The following AUTS2 variants were observed in gnomAD, a reference collection of about 807,000 sequenced individuals.
The protein encoded by AUTS2 is activator of transcription and developmental regulator AUTS2, also known as autism susceptibility gene 2 protein.
AUTS2 carries 17 observed loss-of-function variants against 112.4 expected under a neutral mutation model. That is an observed-to-expected ratio of 0.15 (90% CI 0.10 to 0.23). AUTS2 has a LOEUF of 0.23. AUTS2 is among the 10% of genes least tolerant of loss of function. The probability of loss-of-function intolerance (pLI) is 1.00; values close to 1 mark genes in which losing one functional copy is unlikely to be tolerated. For synonymous variants in AUTS2, 751 were observed against 702.7 expected (o/e 1.07, Z -1.09); for missense variants, 1,510 against 1,701.6 (o/e 0.89, Z 1.98).
chr7:70,182,179 A>G (rs1178007206), intron 4 of AUTS2, among the ~76,000 whole-genome samples: 3 of 152,196 alleles, frequency 2.0e-5, no homozygotes, highest in Admixed American at 6.5e-5. Flanking sequence ...TGCTTATGTG[A>G]TAAAGTTGAT....
chr7:70,403,875 TCAAA>T, intron 4 of AUTS2, among the ~76,000 whole-genome samples: 1 of 152,160 alleles, frequency 6.6e-6, no homozygotes, highest in Non-Finnish European at 1.5e-5. Context: ...TGGAAGGAGA[TCAAA>T]GATGTCAGAT....
intron 3 of AUTS2, among the ~76,000 whole-genome samples, chr7:70,123,269 C>A (rs1805785485): frequency 1.3e-5 from 2 of 152,096 alleles, no homozygotes; most frequent in South Asian, 4.2e-4. Flanking sequence ...AATAAAGATG[C>A]CCCATTTTTT....
At chr7:70,112,741 G>T (rs1392272806) in intron 2 of AUTS2, among the ~76,000 whole-genome samples, 1 of 151,414 alleles carries the variant, frequency 6.6e-6, no homozygotes, top group Non-Finnish European at 1.5e-5. Flanking sequence ...AAATTTAGGA[G>T]TTCTTTGTAA....
chr7:70,312,421 A>G (rs1297167290), intron 4 of AUTS2, among the ~76,000 whole-genome samples: 1 of 152,112 alleles, frequency 6.6e-6, no homozygotes, highest in Non-Finnish European at 1.5e-5. Flanking sequence ...CATTTTAATA[A>G]TAGAATTTGT....
At chr7:70,263,327 T>A (rs547908757) in intron 4 of AUTS2, among the ~76,000 whole-genome samples, 24 of 152,210 alleles carry the variant, frequency 1.6e-4, no homozygotes, top group Admixed American at 5.9e-4. Context: ...AATATTTATA[T>A]TACATAAATG....
At chr7:70,278,272 A>AT (rs1419861518) in intron 4 of AUTS2, among the ~76,000 whole-genome samples, 2 of 152,146 alleles carry the variant, frequency 1.3e-5, no homozygotes, top group Non-Finnish European at 2.9e-5. Flanking sequence ...ATTTTGTGGT[A>AT]TTTTTTAAAT....
intron 6 of AUTS2, among the ~76,000 whole-genome samples, chr7:70,739,528 G>A (rs1787980961): frequency 6.6e-6 from 1 of 151,904 alleles, no homozygotes; most frequent in African/African-American, 2.4e-5. Context: ...TGGATGTTAT[G>A]ATGTTAGTAG....
At chr7:69,770,587 C>T (rs1788618504) in intron 1 of AUTS2, among the ~76,000 whole-genome samples, 1 of 152,112 alleles carries the variant, frequency 6.6e-6, no homozygotes, top group South Asian at 2.1e-4. Flanking sequence ...GAGTGAGCTA[C>T]ATGGAGTTAG....
intron 5 of AUTS2, among the ~76,000 whole-genome samples, chr7:70,492,031 T>G (rs1006539413): frequency 9.2e-5 from 14 of 152,114 alleles, no homozygotes; most frequent in Admixed American, 7.2e-4. Context: ...CTGGCGCCTG[T>G]GTTCCTCAGG....
intron 4 of AUTS2, among the ~76,000 whole-genome samples, chr7:70,396,441 A>G (rs1794088462): frequency 1.3e-5 from 2 of 151,376 alleles, no homozygotes; most frequent in Non-Finnish European, 2.9e-5. Flanking sequence ...CAGTGGCACG[A>G]TCTCAGCTCA....
intron 5 of AUTS2, among the ~76,000 whole-genome samples, chr7:70,503,027 C>A (rs1314809693): frequency 6.6e-6 from 1 of 152,022 alleles, no homozygotes; most frequent in Non-Finnish European, 1.5e-5. Flanking sequence ...AAAACAGTCC[C>A]ACACAGTTGC....
intron 2 of AUTS2, among the ~76,000 whole-genome samples, chr7:69,982,848 T>G (rs905632592): frequency 6.6e-6 from 1 of 152,230 alleles, no homozygotes; most frequent in African/African-American, 2.4e-5. Flanking sequence ...AGAGCTTCAT[T>G]GCAGTGACTG....
intron 1 of AUTS2, among the ~76,000 whole-genome samples, chr7:69,697,558 T>A (rs915750170): frequency 5.3e-5 from 8 of 152,192 alleles, no homozygotes; most frequent in African/African-American, 1.9e-4. Context: ...CTGTCTTAGC[T>A]TTATACCTAC....
Position 70,106,052 on chromosome 7 carries a change from T to C in AUTS2, c.523-12080T>C, listed in dbSNP as rs138857389. Among the ~76,000 whole-genome samples the C allele has an allele frequency of 2.0e-3, 309 of 152,356 alleles. 1 individual carries two copies. The highest frequency in any genetic ancestry group is 7.2e-3 in the African/African-American group (300 of 41,588). On this transcript the variant is annotated intron_variant, in intron 2 of 18. Transcript: ENST00000342771. ...ATAGTTGGGAAATTCATGGTTCTCT[T>C]TACGTTTCCTTTACCTCACTTGCCC...
chr7:70,638,556 T>G (rs1805643083), intron 5 of AUTS2, among the ~76,000 whole-genome samples: 1 of 152,026 alleles, frequency 6.6e-6, no homozygotes, highest in South Asian at 2.1e-4. Context: ...GATCACTCAC[T>G]GGAACTTATT....
At chr7:70,513,626 G>A (rs1226759251) in intron 5 of AUTS2, among the ~76,000 whole-genome samples, 2 of 151,660 alleles carry the variant, frequency 1.3e-5, no homozygotes, top group East Asian at 3.9e-4. Flanking sequence ...TTATTAAGAG[G>A]AAGCACTTTT....
chr7:70,751,706 C>T (rs778345500), intron 6 of AUTS2, among the ~76,000 whole-genome samples: 76 of 152,104 alleles, frequency 5.0e-4, no homozygotes, highest in Admixed American at 2.2e-3. Flanking sequence ...ACAGAAGTAC[C>T]GTGTTTAAGT....
chr7:70,032,003 T>G (rs1277502729), intron 2 of AUTS2, among the ~76,000 whole-genome samples: 1 of 152,130 alleles, frequency 6.6e-6, no homozygotes, highest in African/African-American at 2.4e-5. Context: ...GTGAAGCACA[T>G]TTTCCCACAG....
In AUTS2 at chr7:69,667,717, A is replaced by T. The variant is rs571134332; in HGVS notation, c.309+67755A>T. On this transcript the variant is annotated intron_variant, in intron 1 of 18. Coordinates refer to ENST00000342771, the MANE Select transcript of AUTS2 (RefSeq NM_015570.4). ...GTTTGGAATATACTTCATTTATTCT[A>T]GTTCTTTTCTCTATTTTATTACCTT... Among the ~76,000 whole-genome samples, 123 of 152,176 alleles carry T rather than the reference A, an allele frequency of 8.1e-4. 3 individuals are homozygous for T. In the South Asian group the frequency reaches 0.023, roughly 29 times the overall value.
Sources: allele counts gnomAD v4.1 joint callset (sites outside exome capture counted in the v4.1 genomes callset), GRCh38; gene constraint gnomAD v4.1.1; transcripts MANE v1.5; gene names NCBI Gene and HGNC (gene_info 2026-07-23, HGNC 2026-07-21).